HEATR4: variants seen among roughly 807,000 people sequenced by gnomAD.
HEATR4 encodes the protein HEAT repeat containing 4.
In HEATR4, 95 loss-of-function variants were observed where a neutral mutation model predicts 108.8. That is an observed-to-expected ratio of 0.87 (90% CI 0.74 to 1.04). The LOEUF is 1.04. HEATR4 is among the 50% of genes least tolerant of loss of function. The pLI is 0.00. For missense variants in HEATR4, 1,152 were observed against 1,253.8 expected (o/e 0.92, Z 1.23); for synonymous variants, 443 against 459.4 (o/e 0.96, Z 0.46).
At chr14:73,555,365 C>T (rs1889378656) in intron 1 of HEATR4, among the ~76,000 whole-genome samples, 2 of 111,178 alleles carry the variant, frequency 1.8e-5, no homozygotes, top group Admixed American at 2.1e-4. Flanking sequence ...TGACAAAGTG[C>T]TGAAGCAAAA....
intron 13 of HEATR4, among the ~76,000 whole-genome samples, 164 bp from the exon 14 acceptor site, chr14:73,498,508 T>C (rs1886234926): frequency 1.3e-5 from 2 of 152,230 alleles, no homozygotes; most frequent in African/African-American, 4.8e-5. Flanking sequence ...AAAGGATTCC[T>C]AGAAGAGGGA....
chr14:73,627,574 G>A, the HEATR4 span, among the ~76,000 whole-genome samples: 12 of 152,138 alleles, frequency 7.9e-5, no homozygotes, highest in Admixed American at 6.6e-4. Context: ...AAGTGACACC[G>A]ATAAGGAGAT....
At chr14:73,616,306 G>T in the HEATR4 span, among the ~76,000 whole-genome samples, 2 of 151,456 alleles carry the variant, frequency 1.3e-5, no homozygotes, top group African/African-American at 2.4e-5. Flanking sequence ...TTTTGTTTGT[G>T]AAAATAATAT....
In HEATR4 at chr14:73,522,383, T is replaced by G; in HGVS notation, c.770A>C (p.Glu257Ala). 1 of 1,614,242 alleles carries G rather than the reference T, an allele frequency of 6.2e-7. No homozygotes were observed. Among genetic ancestry groups the G allele is most frequent in the Non-Finnish European group, 8.5e-7 (1 of 1,180,048 alleles). The change falls in exon 3 of 18, where the codon GAG (glutamate) becomes GCG (alanine). Residue 257 changes from glutamate to alanine, a missense_variant. Transcript: ENST00000553558. ...TTCTGCCTCCAGCTGTTTCAGGAGC[T>G]CCAGGTCACTGGCAGAGGTAAGCTC... ...RDELTSASDL[E>A]LLKQLEAEET...
At chr14:73,491,850 C>T (rs763191464) in intron 17 of HEATR4, 1 of 1,609,804 alleles carries the variant, frequency 6.2e-7, no homozygotes, top group East Asian at 2.2e-5. Context: ...CTGAACCCAC[C>T]CGGCCGCGCG....
intron 5 of HEATR4, 51 bp from the exon 6 acceptor site, chr14:73,514,285 G>A: frequency 6.6e-7 from 1 of 1,505,492 alleles, no homozygotes. Context: ...CTTAGGCCCT[G>A]CCACACAGTG....
chr14:73,583,674 G>A, the HEATR4 span, among the ~76,000 whole-genome samples: 3 of 151,962 alleles, frequency 2.0e-5, no homozygotes, highest in African/African-American at 2.4e-5. Flanking sequence ...AGGTGCCAGG[G>A]AGAAGCAACT....
At chr14:73,594,524 G>T in the HEATR4 span, among the ~76,000 whole-genome samples, 2 of 152,148 alleles carry the variant, frequency 1.3e-5, no homozygotes, top group Non-Finnish European at 2.9e-5. Context: ...GTGATTTTAA[G>T]ATGTGTTTGC....
At chr14:73,608,787 C>T in the HEATR4 span, among the ~76,000 whole-genome samples, 7 of 152,216 alleles carry the variant, frequency 4.6e-5, no homozygotes, top group East Asian at 1.9e-4. Flanking sequence ...GGATAATTTA[C>T]GAAGGAAAGA....
In HEATR4 at chr14:73,556,293, C is replaced by T. The variant is rs1420547775; in HGVS notation, c.-152+2458G>A. The stretch of plus-strand genomic sequence containing the variant: ...ACAAAAAATTAGCCAGGCATGGTGG[C>T]AGGCACCCGTAATCCCAGCTACTCA... On this transcript the variant is annotated intron_variant, in intron 1 of 17. Transcript: ENST00000553558. Among the ~76,000 whole-genome samples, 2 of 110,752 alleles carry T rather than the reference C, an allele frequency of 1.8e-5. 1 individual carries two copies. Among genetic ancestry groups the T allele is most frequent in the Admixed American group, 2.1e-4 (2 of 9,746 alleles). The allele number at this position is 110,752 out of a possible 152,430, so 72.7% of individuals were successfully genotyped here.
At chr14:73,489,873 T>G (rs938456243) in intron 17 of HEATR4, among the ~76,000 whole-genome samples, 3 of 152,142 alleles carry the variant, frequency 2.0e-5, no homozygotes, top group African/African-American at 4.8e-5. Flanking sequence ...GGGAGAGAAG[T>G]TAGGTGGAGG....
At chr14:73,481,592 A>G (rs1885259504) in intron 17 of HEATR4, among the ~76,000 whole-genome samples, 1 of 151,562 alleles carries the variant, frequency 6.6e-6, no homozygotes, top group Non-Finnish European at 1.5e-5. Context: ...TGTAATCCCA[A>G]GCACTTTGGG....
At chr14:73,502,087 T>C (rs1336096092) in intron 11 of HEATR4, among the ~76,000 whole-genome samples, 3 of 147,566 alleles carry the variant, frequency 2.0e-5, no homozygotes, top group Non-Finnish European at 4.5e-5. Context: ...AGAGGCAAGG[T>C]CTTGCTATGT....
chr14:73,585,559 C>T, the HEATR4 span, among the ~76,000 whole-genome samples: 29 of 152,074 alleles, frequency 1.9e-4, 2 homozygotes, highest in South Asian at 6.0e-3. Context: ...CTTGGTAGCA[C>T]TCGACTGTAA....
At chr14:73,509,810 CCATATATATATATATATATATATATATA>C (rs1460689387) in intron 7 of HEATR4, among the ~76,000 whole-genome samples, 9,624 of 63,210 alleles carry the variant, frequency 0.15, 1,703 homozygotes, top group East Asian at 0.39. Context: ...CCCCATGAGC[CCATATATATATATATATATATATATATA>C]TATATATATA....
chr14:73,479,029 C>G (rs545298950), intron 17 of HEATR4, among the ~76,000 whole-genome samples, 187 bp from the exon 18 acceptor site: 142 of 152,164 alleles, frequency 9.3e-4, no homozygotes, highest in Non-Finnish European at 1.5e-3. Flanking sequence ...ATCTCCGACT[C>G]CCGGGTTCAA....
intron 9 of HEATR4, among the ~76,000 whole-genome samples, chr14:73,506,982 G>A (rs528155536): frequency 1.3e-5 from 2 of 151,814 alleles, no homozygotes; most frequent in East Asian, 3.9e-4. Context: ...TGTATTTTTA[G>A]TAGAGGCGGG....
chr14:73,563,996 G>C, the HEATR4 span, among the ~76,000 whole-genome samples: 1 of 151,448 alleles, frequency 6.6e-6, no homozygotes, highest in African/African-American at 2.4e-5. Flanking sequence ...GTAAGACCTA[G>C]TCTCTAAAAA....
chr14:73,570,999 A>T, the HEATR4 span, among the ~76,000 whole-genome samples: 1 of 146,018 alleles, frequency 6.8e-6, no homozygotes, highest in African/African-American at 2.5e-5. Flanking sequence ...TTAAATAAGA[A>T]TTCCGACTGG....
Sources: allele counts gnomAD v4.1 joint callset (sites outside exome capture counted in the v4.1 genomes callset), GRCh38; gene constraint gnomAD v4.1.1; transcripts MANE v1.5; gene names NCBI Gene and HGNC (gene_info 2026-07-23, HGNC 2026-07-21).